FGF12: variants seen among roughly 807,000 people sequenced by gnomAD.
FGF12 encodes fibroblast growth factor 12B.
A neutral mutation model predicts 23.6 loss-of-function variants in FGF12; 14 were observed. The observed-to-expected ratio is 0.59, with a 90% CI of 0.39 to 0.93. The LOEUF (loss-of-function observed/expected upper bound fraction) is 0.93, where lower values mean the gene tolerates loss of function less well. Among genes scored for constraint, FGF12 ranks in the 40% least tolerant of loss-of-function variants. The pLI, the probability that FGF12 is intolerant of heterozygous loss-of-function variation, is 0.00. For synonymous variants in FGF12, 62 were observed against 77.3 expected, an observed-to-expected ratio of 0.80 and a Z score of 1.04; for missense variants, 175 against 217.8, an observed-to-expected ratio of 0.80 and a Z score of 1.24.
chr3:192,714,225 C>G (rs1718786788), intron 2 of FGF12, among the ~76,000 whole-genome samples: 1 of 152,022 alleles, frequency 6.6e-6, no homozygotes, highest in African/African-American at 2.4e-5. Flanking sequence ...ATGTCTTTGG[C>G]TAGGAATTAG....
At chr3:192,389,747 T>A (rs1014191571) in intron 2 of FGF12, among the ~76,000 whole-genome samples, 3 of 152,204 alleles carry the variant, frequency 2.0e-5, no homozygotes, top group African/African-American at 7.2e-5. Context: ...TAATCAGAAG[T>A]GTCCAATATA....
At chr3:192,522,311 AGT>A (rs1724841435) in intron 2 of FGF12, among the ~76,000 whole-genome samples, 1 of 152,182 alleles carries the variant, frequency 6.6e-6, no homozygotes, top group Non-Finnish European at 1.5e-5. Context: ...AAGAATTTAG[AGT>A]GAGGATATGA....
intron 5 of FGF12, among the ~76,000 whole-genome samples, chr3:192,146,491 G>A (rs944454738): frequency 6.6e-6 from 1 of 151,850 alleles, no homozygotes; most frequent in Non-Finnish European, 1.5e-5. Flanking sequence ...GGATGGTCTC[G>A]ATCTCCTAAC....
intron 4 of FGF12, among the ~76,000 whole-genome samples, chr3:192,326,180 A>G (rs1716811435): frequency 6.6e-6 from 1 of 152,212 alleles, no homozygotes; most frequent in Non-Finnish European, 1.5e-5. Context: ...CTGATAAGAT[A>G]TAAAAAGCAT....
At position 192,530,971 on chromosome 3, in the gene FGF12, T is replaced by G. The variant is rs140948144; in HGVS notation, c.14-170433A>C. 7.0e-3 allele frequency among the ~76,000 whole-genome samples: 1,071 copies of G among 152,274 alleles called. 14 individuals carry two copies. The highest frequency in any genetic ancestry group is 0.025 in the African/African-American group (1,034 of 41,556). On this transcript the variant is annotated intron_variant, in intron 2 of 5. Transcript: ENST00000445105. ...CTGGGATTACAGGCATATGCCACCA[T>G]GCCCAGCTAATTTTTGTATTTTTAG...
At chr3:192,607,903 A>T (rs911736825) in intron 2 of FGF12, among the ~76,000 whole-genome samples, 1 of 151,812 alleles carries the variant, frequency 6.6e-6, no homozygotes, top group African/African-American at 2.4e-5. Flanking sequence ...CTGAGCACTT[A>T]CTTTGAGCCA....
At chr3:192,214,054 C>T (rs1480275024) in intron 4 of FGF12, among the ~76,000 whole-genome samples, 1 of 152,098 alleles carries the variant, frequency 6.6e-6, no homozygotes, top group Non-Finnish European at 1.5e-5. Context: ...TTATAACGCT[C>T]GTTACTAGAA....
chr3:192,192,917 T>C (rs907342294), intron 4 of FGF12, among the ~76,000 whole-genome samples: 1 of 152,188 alleles, frequency 6.6e-6, no homozygotes, highest in Admixed American at 6.5e-5. Context: ...TCAATAAAAA[T>C]GAAATTAATG....
At chr3:192,286,986 T>C (rs140788680) in intron 4 of FGF12, among the ~76,000 whole-genome samples, 60 of 152,090 alleles carry the variant, frequency 3.9e-4, no homozygotes, top group African/African-American at 1.4e-3. Flanking sequence ...TACAAACTTA[T>C]AAAAAAGCCA....
chr3:192,415,020 G>A (rs139064657), intron 2 of FGF12, among the ~76,000 whole-genome samples: 27 of 152,042 alleles, frequency 1.8e-4, no homozygotes, highest in Admixed American at 1.7e-3. Context: ...AATTCAAGTC[G>A]AGCTCAATAA....
At chr3:192,722,422 G>C (rs1374452870) in intron 2 of FGF12, among the ~76,000 whole-genome samples, 2 of 152,172 alleles carry the variant, frequency 1.3e-5, no homozygotes, top group East Asian at 3.9e-4. Flanking sequence ...CCTGGCTTCA[G>C]AGAAATGACT....
At chr3:192,680,585 C>T (rs775354398) in intron 2 of FGF12, among the ~76,000 whole-genome samples, 51 of 152,138 alleles carry the variant, frequency 3.4e-4, no homozygotes, top group Non-Finnish European at 5.3e-4. Flanking sequence ...TGAAAAAGAC[C>T]AGTGATTGCA....
intron 2 of FGF12, among the ~76,000 whole-genome samples, chr3:192,463,609 G>A (rs1353798858): frequency 2.0e-5 from 3 of 152,100 alleles, no homozygotes; most frequent in Non-Finnish European, 4.4e-5. Context: ...ACAGTCGTGC[G>A]TTTTGATTCC....
intron 2 of FGF12, among the ~76,000 whole-genome samples, chr3:192,365,352 TA>T (rs1321040057): frequency 2.0e-5 from 3 of 150,826 alleles, no homozygotes. Flanking sequence ...ACATAACAAC[TA>T]AATGTAATGG....
intron 4 of FGF12, among the ~76,000 whole-genome samples, chr3:192,285,919 C>A (rs1026708361): frequency 6.6e-6 from 1 of 152,062 alleles, no homozygotes; most frequent in Admixed American, 6.6e-5. Context: ...GCTGGAGATA[C>A]AAAAATTAGC....
Position 192,219,614 on chromosome 3 carries a change from C to T in FGF12, c.229-48958G>A, listed in dbSNP as rs545171749. On this transcript the variant is annotated intron_variant, in intron 4 of 5. Coordinates refer to ENST00000445105, the MANE Select transcript of FGF12 (RefSeq NM_004113.6). ...TAGCATAAATTCCCAAAGTGGTTGA[C>T]TAACAGCACCAACATCACCTGGGAA... Among the ~76,000 whole-genome samples, 3 of 150,654 alleles carry T rather than the reference C, an allele frequency of 2.0e-5. No homozygotes were observed. The East Asian group carries it at 6.7e-4, about 33-fold the overall frequency.
intron 2 of FGF12, among the ~76,000 whole-genome samples, chr3:192,394,236 G>A (rs1720426072): frequency 6.6e-6 from 1 of 152,126 alleles, no homozygotes; most frequent in African/African-American, 2.4e-5. Context: ...CGGGGCTGAG[G>A]TCCAAACTTA....
intron 2 of FGF12, among the ~76,000 whole-genome samples, chr3:192,700,086 G>A (rs1014326759): frequency 6.6e-6 from 1 of 152,194 alleles, no homozygotes; most frequent in Non-Finnish European, 1.5e-5. Context: ...TCAGATGCCT[G>A]AGGGTGGTAA....
Position 192,360,393 on chromosome 3 carries a change from T to C in FGF12, c.124+35A>G, listed in dbSNP as rs752664564. The C allele has an allele frequency of 1.4e-6, 2 of 1,432,312 alleles. No homozygotes were observed. The highest frequency in any genetic ancestry group is 9.9e-7 in the Non-Finnish European group (1 of 1,014,816). The allele number at this position is 1,432,312 out of a possible 1,614,324, so 88.7% of individuals were successfully genotyped here. ...AGATACACTGGGCCCTACATTTGAT[T>C]TGTAATCAGATTGTAAGAAGCTAAT... On this transcript the variant is annotated intron_variant, in intron 3 of 5. Transcript: ENST00000445105. This position sits in a 1 kb window ranked among gnomAD's most constrained non-coding sequence, Gnocchi z 4.3.
Sources: allele counts gnomAD v4.1 joint callset (sites outside exome capture counted in the v4.1 genomes callset), GRCh38; gene constraint gnomAD v4.1.1; non-coding constraint Gnocchi (gnomAD v3.1); transcripts MANE v1.5; gene names NCBI Gene and HGNC (gene_info 2026-07-23, HGNC 2026-07-21).